GRM5: variants seen among roughly 807,000 people sequenced by gnomAD.
GRM5 encodes glutamate metabotropic receptor 5.
A neutral mutation model predicts 83.1 loss-of-function variants in GRM5; 19 were observed. The observed-to-expected ratio is 0.23, with a 90% CI of 0.16 to 0.34. The LOEUF (loss-of-function observed/expected upper bound fraction) is 0.34. Among genes scored for constraint, GRM5 ranks in the 10% least tolerant of loss-of-function variants. The pLI is 1.00. For synonymous variants in GRM5, 675 were observed against 633.6 expected, an observed-to-expected ratio of 1.07 and a Z score of -0.98; for missense variants, 1,160 against 1,588.3, an observed-to-expected ratio of 0.73 and a Z score of 4.58.
intron 2 of GRM5, among the ~76,000 whole-genome samples, chr11:88,869,944 C>G (rs1357304214): frequency 6.6e-6 from 1 of 151,374 alleles, no homozygotes; most frequent in Non-Finnish European, 1.5e-5. Context: ...ATTCTTTTTG[C>G]TTGATTTTAA....
At chr11:88,687,501 T>TACACACACACACACACACAC (rs1231774121) in intron 3 of GRM5, among the ~76,000 whole-genome samples, 1 of 47,788 alleles carries the variant, frequency 2.1e-5, no homozygotes, top group African/African-American at 1.1e-4. Context: ...AAACAAAAAA[T>TACACACACACACACACACAC]ACACACACAC....
At chr11:88,668,956 G>T (rs1940122834) in intron 3 of GRM5, among the ~76,000 whole-genome samples, 1 of 152,092 alleles carries the variant, frequency 6.6e-6, no homozygotes, top group African/African-American at 2.4e-5. Context: ...TGTTCTCACA[G>T]TTTATCCATA....
intron 3 of GRM5, among the ~76,000 whole-genome samples, chr11:88,749,203 C>A (rs1173613616): frequency 6.6e-6 from 1 of 151,990 alleles, no homozygotes; most frequent in Non-Finnish European, 1.5e-5. Context: ...AGTGATAAAA[C>A]AATAAAGGAG....
chr11:88,991,471 C>G (rs1308433842), intron 2 of GRM5, among the ~76,000 whole-genome samples: 1 of 151,978 alleles, frequency 6.6e-6, no homozygotes, highest in Non-Finnish European at 1.5e-5. Flanking sequence ...CCATCCCCAT[C>G]AAGCTACCAA....
intron 5 of GRM5, among the ~76,000 whole-genome samples, chr11:88,600,660 C>A (rs190078225): frequency 2.0e-5 from 3 of 152,046 alleles, no homozygotes; most frequent in East Asian, 3.8e-4. Flanking sequence ...AAATAAGGAA[C>A]TTTCTAAATG....
At chr11:88,583,748 T>G (rs1943259088) in intron 7 of GRM5, among the ~76,000 whole-genome samples, 1 of 152,344 alleles carries the variant, frequency 6.6e-6, no homozygotes, top group East Asian at 1.9e-4. Flanking sequence ...TTTGCAGATA[T>G]GTGGCAGGGA....
At chr11:88,985,268 T>C (rs889103360) in intron 2 of GRM5, among the ~76,000 whole-genome samples, 5 of 152,150 alleles carry the variant, frequency 3.3e-5, no homozygotes, top group African/African-American at 9.6e-5. Flanking sequence ...TATTTATTTT[T>C]CCCCAGACTC....
chr11:88,697,388 G>A (rs1296549802), intron 3 of GRM5, among the ~76,000 whole-genome samples: 2 of 152,102 alleles, frequency 1.3e-5, no homozygotes, highest in African/African-American at 4.8e-5. Flanking sequence ...TTTATGTTTT[G>A]CAATTCCTTC....
chr11:88,905,537 T>C (rs1386223380), intron 2 of GRM5, among the ~76,000 whole-genome samples: 1 of 152,140 alleles, frequency 6.6e-6, no homozygotes, highest in Non-Finnish European at 1.5e-5. Flanking sequence ...AGACGGGGTT[T>C]CGCCAGGTTT....
chr11:88,728,940 G>A (rs1161734668), intron 3 of GRM5, among the ~76,000 whole-genome samples: 1 of 152,130 alleles, frequency 6.6e-6, no homozygotes, highest in Non-Finnish European at 1.5e-5. Context: ...AAAGCTGGAA[G>A]CATTCCCTTT....
At chr11:88,562,255 T>C (rs915495751) in intron 8 of GRM5, among the ~76,000 whole-genome samples, 2 of 152,142 alleles carry the variant, frequency 1.3e-5, no homozygotes, top group Non-Finnish European at 2.9e-5. Flanking sequence ...GACCAAATAA[T>C]TTCTTTTTCA....
intron 2 of GRM5, among the ~76,000 whole-genome samples, chr11:88,867,815 C>A (rs1424719520): frequency 6.6e-6 from 1 of 151,766 alleles, no homozygotes; most frequent in Admixed American, 6.6e-5. Context: ...GGACTTCCAG[C>A]CTCTAAACTA....
intron 2 of GRM5, among the ~76,000 whole-genome samples, chr11:88,993,515 A>T (rs1940065994): frequency 6.6e-6 from 1 of 152,184 alleles, no homozygotes; most frequent in Non-Finnish European, 1.5e-5. Flanking sequence ...ATATAGTTTG[A>T]AATCAAGGAA....
chr11:88,989,555 T>C (rs1939882642), intron 2 of GRM5, among the ~76,000 whole-genome samples: 1 of 136,610 alleles, frequency 7.3e-6, no homozygotes, highest in Non-Finnish European at 1.6e-5. Context: ...CAACAGAATA[T>C]ACATTTTTTT....
In GRM5 at chr11:89,064,150, CCTT is replaced by C. The variant is rs1190575177; in HGVS notation, c.-201+1623_-201+1625del. On this transcript the variant is annotated intron_variant, in intron 1 of 9. Transcript: ENST00000305447. Reference sequence around the variant, plus strand: ...ATTGCATTTATGTTTTACTCTAAAACCTTCTTCTTGCTGCCCTGACTACCTAAT... The same window carrying C: ...ATTGCATTTATGTTTTACTCTAAAACCTTCTTGCTGCCCTGACTACCTAAT... Among the ~76,000 whole-genome samples, 3 of 152,280 alleles carry C rather than the reference CCTT, an allele frequency of 2.0e-5. No individual in the cohort carries two copies. In the South Asian group the frequency reaches 6.2e-4, roughly 32 times the overall value.
intron 3 of GRM5, among the ~76,000 whole-genome samples, chr11:88,800,758 C>T (rs1943376230): frequency 6.6e-6 from 1 of 152,086 alleles, no homozygotes; most frequent in Non-Finnish European, 1.5e-5. Flanking sequence ...CCTTCAATTG[C>T]CCTGAGCAAC....
At chr11:89,039,547 A>T (rs114732849) in intron 2 of GRM5, among the ~76,000 whole-genome samples, 5,346 of 152,074 alleles carry the variant, frequency 0.035, 236 homozygotes, top group African/African-American at 0.1. Flanking sequence ...CAAAAAAAAA[A>T]TTTTTTAAAT....
At chr11:88,794,088 G>A (rs561496680) in intron 3 of GRM5, among the ~76,000 whole-genome samples, 55 of 152,186 alleles carry the variant, frequency 3.6e-4, no homozygotes, top group African/African-American at 1.1e-3. Context: ...CTTTAGCCTC[G>A]AAAATTGCTG....
At chr11:88,722,742 A>AGAT (rs1941577491) in intron 3 of GRM5, among the ~76,000 whole-genome samples, 1 of 152,194 alleles carries the variant, frequency 6.6e-6, no homozygotes, top group Non-Finnish European at 1.5e-5. Flanking sequence ...ATGTTTATAA[A>AGAT]GATAATAATG....
Sources: gnomAD v4.1 joint callset for allele counts (sites outside exome capture counted in the v4.1 genomes callset) on GRCh38, gnomAD v4.1.1 for gene constraint, MANE v1.5 for transcripts, NCBI Gene and HGNC (gene_info 2026-07-23, HGNC 2026-07-21) for gene names.